Variants in VAV3 observed in about 807,000 individuals in gnomAD.
VAV3 encodes the protein vav guanine nucleotide exchange factor 3, also known as guanine nucleotide exchange factor VAV3.
In VAV3, 94 loss-of-function variants were observed where a neutral mutation model predicts 131.2. The observed-to-expected ratio is 0.72, with a 90% CI of 0.61 to 0.85. The LOEUF (loss-of-function observed/expected upper bound fraction) is 0.85. Ranked by LOEUF, VAV3 falls within the 40% of genes least tolerant of loss-of-function variation. The pLI is 0.00. For missense variants in VAV3, 939 were observed against 1,002.7 expected, an observed-to-expected ratio of 0.94 and a Z score of 0.86; for synonymous variants, 349 against 342.0, an observed-to-expected ratio of 1.02 and a Z score of -0.22.
At chr1:107,842,724 T>C (rs571788406) in intron 2 of VAV3, among the ~76,000 whole-genome samples, 2 of 152,274 alleles carry the variant, frequency 1.3e-5, no homozygotes, top group South Asian at 4.1e-4. Flanking sequence ...TTTTTACGCA[T>C]TTTAATTTTT....
intron 2 of VAV3, among the ~76,000 whole-genome samples, chr1:107,872,661 C>G (rs11185189): frequency 6.6e-6 from 1 of 152,112 alleles, no homozygotes; most frequent in Non-Finnish European, 1.5e-5. Context: ...GGGATTGATG[C>G]GCTGATTCCC....
intron 2 of VAV3, among the ~76,000 whole-genome samples, chr1:107,792,211 G>C (rs1024816348): frequency 6.6e-6 from 1 of 152,156 alleles, no homozygotes; most frequent in African/African-American, 2.4e-5. Context: ...CACTGCTAAA[G>C]CAAGTGTTGA....
intron 2 of VAV3, among the ~76,000 whole-genome samples, chr1:107,803,555 T>C (rs1264317212): frequency 2.0e-5 from 3 of 152,094 alleles, no homozygotes; most frequent in Non-Finnish European, 4.4e-5. Context: ...GTTTGTCTCA[T>C]TTCAGAGAGG....
intron 25 of VAV3, among the ~76,000 whole-genome samples, chr1:107,575,147 C>T (rs1353729987): frequency 4.6e-5 from 7 of 152,082 alleles, no homozygotes; most frequent in African/African-American, 1.4e-4. Flanking sequence ...TTTCATGGCA[C>T]GCTTTATATT....
In VAV3 at chr1:107,964,877, G is replaced by C. The variant is rs1176825270; in HGVS notation, c.-8C>G. On this transcript the variant is annotated 5_prime_UTR_variant, in exon 1 of 27. Transcript: ENST00000370056. ...CTGCTTCCACGGCTCCATGCCCGAC[G>C]GCTCCGGGACGCGGCTGGGCCGGGG... is the stretch of plus-strand genomic sequence containing the variant. The C allele has an allele frequency of 6.6e-7, 1 of 1,525,936 alleles. No individual in the cohort carries two copies. The highest frequency in any genetic ancestry group is 8.8e-7 in the Non-Finnish European group (1 of 1,130,528). 94.5% of individuals were successfully genotyped at this position (1,525,936 alleles called of 1,614,324 possible).
At chr1:107,866,822 CAAA>C (rs66866060) in intron 2 of VAV3, among the ~76,000 whole-genome samples, 3 of 59,198 alleles carry the variant, frequency 5.1e-5, no homozygotes, top group South Asian at 6.1e-4. Context: ...GACTCCATCT[CAAA>C]AAAAAAAAAA....
intron 1 of VAV3, among the ~76,000 whole-genome samples, chr1:107,915,838 G>A (rs760487675): frequency 2.6e-5 from 4 of 152,076 alleles, no homozygotes; most frequent in Non-Finnish European, 5.9e-5. Context: ...TACTAGGTCC[G>A]GGCAATTGAG....
chr1:107,860,034 C>T (rs150352004), intron 2 of VAV3, among the ~76,000 whole-genome samples: 13 of 152,218 alleles, frequency 8.5e-5, no homozygotes, highest in African/African-American at 3.1e-4. Flanking sequence ...GTCATGATGC[C>T]TATCTATATT....
At chr1:107,812,531 T>C (rs1221889028) in intron 2 of VAV3, among the ~76,000 whole-genome samples, 2 of 152,074 alleles carry the variant, frequency 1.3e-5, no homozygotes, top group East Asian at 1.9e-4. Context: ...TCAAGTCATA[T>C]ATACAGGACT....
At chr1:107,675,175 T>C (rs1273598628) in intron 19 of VAV3, among the ~76,000 whole-genome samples, 1 of 152,208 alleles carries the variant, frequency 6.6e-6, no homozygotes, top group African/African-American at 2.4e-5. Flanking sequence ...GTGTGTCGTT[T>C]TAAGCTGCTA....
intron 20 of VAV3, among the ~76,000 whole-genome samples, chr1:107,635,881 G>C (rs977542547): frequency 6.6e-6 from 1 of 152,212 alleles, no homozygotes; most frequent in Non-Finnish European, 1.5e-5. Flanking sequence ...GCTCTGCTAA[G>C]TTACTAGCTG....
intron 3 of VAV3, among the ~76,000 whole-genome samples, chr1:107,778,130 A>C (rs1665469885): frequency 6.6e-6 from 1 of 152,216 alleles, no homozygotes; most frequent in African/African-American, 2.4e-5. Flanking sequence ...AGGATCCATC[A>C]AAATAATAAA....
intron 25 of VAV3, among the ~76,000 whole-genome samples, chr1:107,592,998 C>G (rs549703651): frequency 6.6e-6 from 1 of 152,214 alleles, no homozygotes; most frequent in East Asian, 1.9e-4. Flanking sequence ...GAGCTCCCTG[C>G]TATGCCTGAG....
intron 2 of VAV3, among the ~76,000 whole-genome samples, chr1:107,780,401 T>C (rs1198270105): frequency 6.6e-6 from 1 of 152,220 alleles, no homozygotes; most frequent in Non-Finnish European, 1.5e-5. Context: ...AAATGTTAAA[T>C]ATACTCTGCT....
At chr1:107,744,109 C>T (rs527975312) in intron 15 of VAV3, among the ~76,000 whole-genome samples, 43 of 152,306 alleles carry the variant, frequency 2.8e-4, no homozygotes, top group Admixed American at 1.2e-3. Flanking sequence ...CAGGGGCTGC[C>T]GCTCCGGATG....
At chr1:107,840,076 C>T (rs918343655) in intron 2 of VAV3, among the ~76,000 whole-genome samples, 5 of 152,108 alleles carry the variant, frequency 3.3e-5, no homozygotes, top group Non-Finnish European at 7.4e-5. Flanking sequence ...GTGAATTCTA[C>T]CAAACGTTCA....
chr1:107,726,030 CA>C lies in VAV3; in HGVS notation c.1503-20970del, dbSNP rs548975873. On this transcript the variant is annotated intron_variant, in intron 15 of 26. Transcript: ENST00000370056. ...CTTCGAATTTAGGTTATTGCTAGAC[CA>C]AAAAAAAATTCTCTAATGAAAGATT... 9.1e-3 allele frequency among the ~76,000 whole-genome samples: 1,375 copies of C among 150,932 alleles called. 24 individuals are homozygous for C. Among genetic ancestry groups the C allele is most frequent in the African/African-American group, 0.032 (1,316 of 41,218 alleles).
chr1:107,933,814 CAAAAA>C (rs11383512), intron 1 of VAV3, among the ~76,000 whole-genome samples: 14 of 119,224 alleles, frequency 1.2e-4, no homozygotes, highest in African/African-American at 3.0e-4. Context: ...AGACCCTTCT[CAAAAA>C]AAAAAAAAAA....
At chr1:107,707,506 A>G (rs1326072942) in intron 15 of VAV3, among the ~76,000 whole-genome samples, 1 of 152,214 alleles carries the variant, frequency 6.6e-6, no homozygotes, top group Non-Finnish European at 1.5e-5. Flanking sequence ...GCTGATTCCA[A>G]ATCCATATAA....
Sources: allele counts gnomAD v4.1 joint callset (sites outside exome capture counted in the v4.1 genomes callset), GRCh38; gene constraint gnomAD v4.1.1; transcripts MANE v1.5; gene names NCBI Gene and HGNC (gene_info 2026-07-23, HGNC 2026-07-21).